Variants in KDM1B observed in about 807,000 individuals in gnomAD.
The protein encoded by KDM1B is lysine-specific histone demethylase 2.
Under a neutral mutation model 107.4 loss-of-function variants are expected in KDM1B, and 63 were observed. That is an observed-to-expected ratio of 0.59 (90% CI 0.48 to 0.72). The LOEUF (loss-of-function observed/expected upper bound fraction) is 0.72. Among genes scored for constraint, KDM1B ranks in the 30% least tolerant of loss-of-function variants. The probability of loss-of-function intolerance (pLI) is 0.00; values close to 1 mark genes in which losing one functional copy is unlikely to be tolerated. For synonymous variants in KDM1B, 363 were observed against 363.9 expected, an observed-to-expected ratio of 1.00 and a Z score of 0.03; for missense variants, 749 against 1,020.8, an observed-to-expected ratio of 0.73 and a Z score of 3.63.
In KDM1B at chr6:18,159,486, G is replaced by A. The variant is rs963865833; in HGVS notation, c.-13-397G>A. Among the ~76,000 whole-genome samples the A allele has an allele frequency of 2.0e-5, 3 of 152,172 alleles. No homozygotes were observed. The highest frequency in any genetic ancestry group is 6.5e-5 in the Admixed American group (1 of 15,272). On this transcript the variant is annotated intron_variant, in intron 2 of 21. Coordinates refer to ENST00000650836, the MANE Select transcript of KDM1B (RefSeq NM_001364614.2). This position sits in a 1 kb window ranked among gnomAD's most constrained non-coding sequence, Gnocchi z 4.5. Reference sequence around the variant, plus strand: ...TAGGTAATGTTTATTGAGTACTTACGATATGCCAGTTTTGGTGCTTTAAAT... The same window carrying A: ...TAGGTAATGTTTATTGAGTACTTACAATATGCCAGTTTTGGTGCTTTAAAT...
rs1016183903 is a variant in KDM1B at position 18,156,506 on chromosome 6, G to C, written c.-14+580G>C. On this transcript the variant is annotated intron_variant, in intron 2 of 21. Transcript: ENST00000650836. ...ATCTATTTTAGTGGCAGAAAGGCGAGTGGGAGAGAAGGCTTCTTCAGGAGG... is the reference window on the plus strand; with the variant it reads ...ATCTATTTTAGTGGCAGAAAGGCGACTGGGAGAGAAGGCTTCTTCAGGAGG... 2.6e-5 allele frequency among the ~76,000 whole-genome samples: 4 copies of C among 152,290 alleles called. No individual in the cohort carries two copies. In the East Asian group the frequency reaches 7.7e-4, roughly 29 times the overall value.
At chr6:18,188,811 T>A (rs1561930028) in intron 9 of KDM1B, among the ~76,000 whole-genome samples, 1 of 147,876 alleles carries the variant, frequency 6.8e-6, no homozygotes, top group Non-Finnish European at 1.5e-5. Flanking sequence ...TGAGACAGAA[T>A]CTCAGTCTGT....
intron 10 of KDM1B, among the ~76,000 whole-genome samples, chr6:18,194,983 A>C (rs1787547363): frequency 1.3e-5 from 2 of 151,880 alleles, no homozygotes; most frequent in African/African-American, 2.4e-5. Flanking sequence ...CCACGAATCT[A>C]CTCTCTATCT....
rs1256056808 is a variant in KDM1B, at chr6:18,202,639, G to A, written c.1531+982G>A. Among the ~76,000 whole-genome samples, 4 of 152,228 alleles carry A rather than the reference G, an allele frequency of 2.6e-5. No homozygotes were observed. The East Asian group carries it at 7.7e-4, about 29-fold the overall frequency. On this transcript the variant is annotated intron_variant, in intron 14 of 21. Transcript: ENST00000650836. ...TGGAGTTTCTTGTAGTGTGAACATTGGAACTCAGTTTGCAAGGTGTTAATT... is the reference window on the plus strand; with the variant it reads ...TGGAGTTTCTTGTAGTGTGAACATTAGAACTCAGTTTGCAAGGTGTTAATT...
chr6:18,209,298 A>G lies in KDM1B; in HGVS notation c.1866+1092A>G, dbSNP rs1222343759. Reference sequence around the variant, plus strand: ...TAGTTATATCTTAAGTGACTATGAAAAAATATAATTGATGAACTATCACTA... The same window carrying G: ...TAGTTATATCTTAAGTGACTATGAAGAAATATAATTGATGAACTATCACTA... On this transcript the variant is annotated intron_variant, in intron 17 of 21. Transcript: ENST00000650836. This position sits in a 1 kb window ranked among gnomAD's most constrained non-coding sequence, Gnocchi z 4.3. 6.6e-6 allele frequency among the ~76,000 whole-genome samples: 1 copy of G among 152,200 alleles called. No individual in the cohort carries two copies. Among genetic ancestry groups the G allele is most frequent in the Non-Finnish European group, 1.5e-5 (1 of 68,036 alleles).
At chr6:18,168,285 T>C (rs1157961542) in intron 6 of KDM1B, among the ~76,000 whole-genome samples, 1 of 152,220 alleles carries the variant, frequency 6.6e-6, no homozygotes, top group Non-Finnish European at 1.5e-5. Context: ...CCCCAGTTCC[T>C]GGTAACCGCT....
In KDM1B at chr6:18,202,646, A is replaced by G. The variant is rs963393041; in HGVS notation, c.1531+989A>G. ...TCTTGTAGTGTGAACATTGGAACTC[A>G]GTTTGCAAGGTGTTAATTTGCTTCA... On this transcript the variant is annotated intron_variant, in intron 14 of 21. Transcript: ENST00000650836. Among the ~76,000 whole-genome samples the G allele has an allele frequency of 5.3e-5, 8 of 152,334 alleles. No homozygotes were observed. The East Asian group carries it at 1.4e-3, about 26-fold the overall frequency.
intron 7 of KDM1B, among the ~76,000 whole-genome samples, chr6:18,171,706 G>T (rs995066750): frequency 2.0e-5 from 3 of 152,152 alleles, no homozygotes; most frequent in African/African-American, 7.2e-5. Context: ...GCTGTCCAGG[G>T]TTGGTTTTGT....
In KDM1B at chr6:18,201,638, C is replaced by G. The variant is rs1788039336; in HGVS notation, c.1512C>G (p.Leu504=). The change falls in exon 14 of 22, where the codon CTC becomes CTG. Residue 504 remains leucine (L), a synonymous_variant. Transcript: ENST00000650836. This position sits in a 1 kb window ranked among gnomAD's most constrained non-coding sequence, Gnocchi z 4.3. Reference sequence around the variant, plus strand: ...AGTGGAGAAAGGATAAGACTCAGCTCCAAGATGTCCCTTTAGGAGGTATGG... The same window carrying G: ...AGTGGAGAAAGGATAAGACTCAGCTGCAAGATGTCCCTTTAGGAGGTATGG... ...VSEWRKDKTQ[L]QDVPLGEKIE... 6.5e-7 allele frequency: 1 copy of G among 1,550,312 alleles called. No homozygotes were observed. Among genetic ancestry groups the G allele is most frequent in the Non-Finnish European group, 8.7e-7 (1 of 1,146,836 alleles).
At chr6:18,166,631 C>T (rs966267147) in intron 6 of KDM1B, among the ~76,000 whole-genome samples, 2 of 151,970 alleles carry the variant, frequency 1.3e-5, no homozygotes, top group African/African-American at 2.4e-5. Context: ...GACTGCTTTG[C>T]GCCCAGCCTG....
At chr6:18,161,688 G>A (rs568801092) in intron 4 of KDM1B, among the ~76,000 whole-genome samples, 1 of 152,262 alleles carries the variant, frequency 6.6e-6, no homozygotes, top group South Asian at 2.1e-4. Flanking sequence ...TTGCAACACA[G>A]TGTCCTCAAA....
chr6:18,166,226 T>C, intron 5 of KDM1B, 41 bp from the exon 6 acceptor site: 1 of 938,836 alleles, frequency 1.1e-6, no homozygotes, highest in Non-Finnish European at 1.8e-6. Flanking sequence ...CTTATAGCAA[T>C]CGATATATTA....
rs1004821558 is a variant in KDM1B at position 18,204,936 on chromosome 6, G to A, written c.1532-601G>A. On this transcript the variant is annotated intron_variant, in intron 14 of 21. Coordinates refer to ENST00000650836, the MANE Select transcript of KDM1B (RefSeq NM_001364614.2). The surrounding 1 kb of genome is among the most constrained non-coding windows in gnomAD (Gnocchi z 4.9). The stretch of plus-strand genomic sequence containing the variant: ...AGATCGTAGCTGCTGCCTTTGGAAA[G>A]ATTAAAATGTGCTAGCTTTGCCTGG... Among the ~76,000 whole-genome samples the A allele has an allele frequency of 6.6e-6, 1 of 152,248 alleles. No individual in the cohort carries two copies. Among genetic ancestry groups the A allele is most frequent in the South Asian group, 2.1e-4 (1 of 4,838 alleles).
chr6:18,208,627 A>ATAT (rs1561949786), intron 17 of KDM1B, among the ~76,000 whole-genome samples: 1 of 25,736 alleles, frequency 3.9e-5, no homozygotes, highest in African/African-American at 1.4e-4. Flanking sequence ...ATATATATAT[A>ATAT]TTTTTTTTTT....
intron 10 of KDM1B, among the ~76,000 whole-genome samples, chr6:18,194,923 A>G (rs1787544299): frequency 6.6e-6 from 1 of 152,188 alleles, no homozygotes; most frequent in African/African-American, 2.4e-5. Flanking sequence ...GGAACCCTAT[A>G]CCAATTAAAC....
intron 7 of KDM1B, among the ~76,000 whole-genome samples, chr6:18,178,006 T>A (rs1786142671): frequency 6.6e-6 from 1 of 152,202 alleles, no homozygotes; most frequent in Admixed American, 6.5e-5. Context: ...TCACTGAGGA[T>A]ATCTTTTGTG....
intron 10 of KDM1B, among the ~76,000 whole-genome samples, chr6:18,196,786 C>G (rs1787680037): frequency 6.6e-6 from 1 of 152,098 alleles, no homozygotes; most frequent in Non-Finnish European, 1.5e-5. Flanking sequence ...GTAAAGCATG[C>G]TGGAGTCTGC....
intron 6 of KDM1B, among the ~76,000 whole-genome samples, chr6:18,169,690 A>G (rs906264877): frequency 6.6e-6 from 1 of 152,038 alleles, no homozygotes; most frequent in Non-Finnish European, 1.5e-5. Flanking sequence ...TTTTGGTGTT[A>G]CCGCTTATAA....
At chr6:18,190,178 G>T (rs544878006) in intron 9 of KDM1B, among the ~76,000 whole-genome samples, 144 of 151,868 alleles carry the variant, frequency 9.5e-4, no homozygotes, top group African/African-American at 3.4e-3. Context: ...TTTTAAAAAC[G>T]TACCTCCATG....
Sources: allele counts gnomAD v4.1 joint callset (sites outside exome capture counted in the v4.1 genomes callset), GRCh38; gene constraint gnomAD v4.1.1; non-coding constraint Gnocchi (gnomAD v3.1); transcripts MANE v1.5; gene names NCBI Gene and HGNC (gene_info 2026-07-23, HGNC 2026-07-21).